WDR7: variants seen among roughly 807,000 people sequenced by gnomAD.
WDR7 encodes the protein WD repeat domain 7.
In WDR7, 46 loss-of-function variants were observed where a neutral mutation model predicts 169.4. The ratio of observed to expected loss-of-function variants is 0.27; its 90% CI spans 0.21 to 0.35. The LOEUF (loss-of-function observed/expected upper bound fraction) is 0.35, where lower values mean the gene tolerates loss of function less well. Ranked by LOEUF, WDR7 falls within the 10% of genes least tolerant of loss-of-function variation. The probability of loss-of-function intolerance (pLI) is 1.00; values close to 1 mark genes in which losing one functional copy is unlikely to be tolerated. For missense variants in WDR7, 1,534 were observed against 1,859.3 expected, an observed-to-expected ratio of 0.83 and a Z score of 3.22; for synonymous variants, 612 against 666.8, an observed-to-expected ratio of 0.92 and a Z score of 1.27.
At chr18:56,933,785 T>TA in intron 22 of WDR7, among the ~76,000 whole-genome samples, 2 of 152,334 alleles carry the variant, frequency 1.3e-5, no homozygotes, top group Admixed American at 1.3e-4. Context: ...AATACCTGTA[T>TA]CAACCACTTC....
At chr18:56,864,901 A>G (rs2045859545) in intron 20 of WDR7, among the ~76,000 whole-genome samples, 1 of 140,282 alleles carries the variant, frequency 7.1e-6, no homozygotes, top group Non-Finnish European at 1.6e-5. Flanking sequence ...GAGAAGAAAG[A>G]CACTGGGTTT....
At chr18:56,950,822 A>G (rs2047170367) in intron 25 of WDR7, among the ~76,000 whole-genome samples, 1 of 152,180 alleles carries the variant, frequency 6.6e-6, no homozygotes, top group Non-Finnish European at 1.5e-5. Flanking sequence ...TCCTTAAGGA[A>G]CCATGGGCAT....
intron 2 of WDR7, among the ~76,000 whole-genome samples, chr18:56,675,052 C>A (rs1026985027): frequency 5.9e-5 from 9 of 152,094 alleles, no homozygotes; most frequent in Non-Finnish European, 1.2e-4. Context: ...TATCCATATC[C>A]TCTAGATGTC....
At chr18:56,866,926 C>G (rs2045889996) in intron 20 of WDR7, among the ~76,000 whole-genome samples, 1 of 152,174 alleles carries the variant, frequency 6.6e-6, no homozygotes, top group Non-Finnish European at 1.5e-5. Context: ...CTCATTTGAT[C>G]TTTACAAATT....
intron 12 of WDR7, among the ~76,000 whole-genome samples, chr18:56,707,300 A>T (rs1398380777): frequency 6.6e-6 from 1 of 152,034 alleles, no homozygotes; most frequent in African/African-American, 2.4e-5. Context: ...ACTTTACTGT[A>T]GATATACTTT....
intron 12 of WDR7, among the ~76,000 whole-genome samples, chr18:56,709,988 TTA>T (rs202029110): frequency 1.4e-5 from 2 of 147,600 alleles, no homozygotes; most frequent in South Asian, 2.1e-4. Flanking sequence ...GAACCACAAT[TTA>T]TATATATATA....
At chr18:56,974,027 G>C (rs1025360602) in intron 26 of WDR7, among the ~76,000 whole-genome samples, 1 of 152,086 alleles carries the variant, frequency 6.6e-6, no homozygotes, top group African/African-American at 2.4e-5. Flanking sequence ...TCCATTGTTG[G>C]TCCATTGTTG....
intron 25 of WDR7, among the ~76,000 whole-genome samples, chr18:56,961,446 C>T (rs1280587932): frequency 6.6e-6 from 1 of 152,006 alleles, no homozygotes; most frequent in African/African-American, 2.4e-5. Flanking sequence ...GTGCAAAATC[C>T]TCCTAAATAT....
At chr18:56,885,600 G>A (rs1302290755) in intron 21 of WDR7, among the ~76,000 whole-genome samples, 4 of 151,790 alleles carry the variant, frequency 2.6e-5, no homozygotes, top group African/African-American at 9.7e-5. Flanking sequence ...CCAGGCGGGC[G>A]GATCACGAGG....
At chr18:56,813,319 G>A (rs1185205193) in intron 19 of WDR7, among the ~76,000 whole-genome samples, 1 of 152,092 alleles carries the variant, frequency 6.6e-6, no homozygotes, top group Non-Finnish European at 1.5e-5. Flanking sequence ...TTAAGTAAGA[G>A]TGGTGAGTGT....
At chr18:56,652,668 T>A (rs554233680) in intron 1 of WDR7, among the ~76,000 whole-genome samples, 1 of 152,358 alleles carries the variant, frequency 6.6e-6, no homozygotes, top group Admixed American at 6.5e-5. Context: ...ATATAATTAA[T>A]GCTTTATTAT....
intron 13 of WDR7, among the ~76,000 whole-genome samples, chr18:56,722,998 C>T (rs1352528344): frequency 6.6e-6 from 1 of 152,114 alleles, no homozygotes; most frequent in Non-Finnish European, 1.5e-5. Flanking sequence ...ATGAATAAAC[C>T]ATAAACAATA....
chr18:56,831,954 C>A (rs1175637450), intron 20 of WDR7, among the ~76,000 whole-genome samples: 1 of 151,858 alleles, frequency 6.6e-6, no homozygotes, highest in Non-Finnish European at 1.5e-5. Context: ...TTTTTTCTTT[C>A]ATACCCCAGT....
chr18:56,929,491 T>C (rs1465511726), intron 22 of WDR7, among the ~76,000 whole-genome samples: 2 of 152,236 alleles, frequency 1.3e-5, no homozygotes, highest in East Asian at 3.8e-4. Flanking sequence ...TTCAACATCA[T>C]CTGATCCAGT....
intron 26 of WDR7, among the ~76,000 whole-genome samples, chr18:56,971,934 G>C (rs541674691): frequency 4.1e-4 from 63 of 152,276 alleles, no homozygotes; most frequent in Middle Eastern, 3.4e-3. Context: ...TTTCTTATCT[G>C]TGATTTATTA....
At chr18:56,666,709 CA>C (rs1371688746) in intron 1 of WDR7, among the ~76,000 whole-genome samples, 1 of 152,026 alleles carries the variant, frequency 6.6e-6, no homozygotes, top group Non-Finnish European at 1.5e-5. Flanking sequence ...TAAATGAAGA[CA>C]ATATAGGAGA....
intron 27 of WDR7, among the ~76,000 whole-genome samples, chr18:57,021,308 TG>T (rs1170486225): frequency 6.6e-6 from 1 of 152,168 alleles, no homozygotes; most frequent in Non-Finnish European, 1.5e-5. Flanking sequence ...GGGCCTGGCC[TG>T]AGAGGAATCG....
chr18:56,755,475 A>G (rs1427454141), intron 14 of WDR7, among the ~76,000 whole-genome samples: 3 of 152,212 alleles, frequency 2.0e-5, no homozygotes, highest in African/African-American at 7.2e-5. Context: ...CTTGAGGAGC[A>G]AAGATAAGTG....
At position 57,008,457 on chromosome 18, in the gene WDR7, C is replaced by G. The variant is rs1027043527; in HGVS notation, c.4165-12288C>G. On this transcript the variant is annotated intron_variant, in intron 26 of 27. Transcript: ENST00000254442. ...CCTGGCCATAGCTGCCTTTCTGCCT[C>G]GTTTTCAAGCCTGCCTGTCTCCACC... Among the ~76,000 whole-genome samples, 4 of 152,336 alleles carry G rather than the reference C, an allele frequency of 2.6e-5. No homozygotes were observed. In the East Asian group the frequency reaches 5.8e-4, roughly 22 times the overall value.
Sources: gnomAD v4.1 joint callset for allele counts (sites outside exome capture counted in the v4.1 genomes callset) on GRCh38, gnomAD v4.1.1 for gene constraint, MANE v1.5 for transcripts, NCBI Gene and HGNC (gene_info 2026-07-23, HGNC 2026-07-21) for gene names.